The following PHF14 variants were observed in gnomAD, a reference collection of about 807,000 sequenced individuals.
The protein encoded by PHF14 is PHD finger protein 14.
PHF14 carries 55 observed loss-of-function variants against 117.9 expected under a neutral mutation model. The observed-to-expected ratio is 0.47, with a 90% CI of 0.38 to 0.58. The LOEUF (loss-of-function observed/expected upper bound fraction) is 0.58. PHF14 is among the 20% of genes least tolerant of loss of function. The probability of loss-of-function intolerance (pLI) is 0.00; values close to 1 mark genes in which losing one functional copy is unlikely to be tolerated. For missense variants in PHF14, 978 were observed against 1,122.2 expected, an observed-to-expected ratio of 0.87 and a Z score of 1.84; for synonymous variants, 409 against 368.6, an observed-to-expected ratio of 1.11 and a Z score of -1.26.
At position 10,982,396 on chromosome 7, in the gene PHF14, G is replaced by C; in HGVS notation, c.137G>C (p.Ser46Thr). 6.4e-7 allele frequency: 1 copy of C among 1,566,336 alleles called. No individual in the cohort carries two copies. Among genetic ancestry groups the C allele is most frequent in the East Asian group, 2.3e-5 (1 of 44,410 alleles). The change falls in exon 3 of 18, where the codon AGT becomes ACT. Residue 46 changes from serine (S) to threonine (T), a missense_variant. By Grantham distance (58) the Ser-to-Thr change is moderately conservative. Around this residue, in one of 7 missense-constraint regions of PHF14, gnomAD observed 414 missense variants for 376.4 expected, o/e 1.10. Coordinates refer to ENST00000634607, the MANE Select transcript of PHF14 (RefSeq NM_001007157.2). ...GATTCTGAAGGGAGTGGTAATGGAA[G>C]TGAAGATGCTTCAAAGGACAGTGGA... Reference protein sequence around the residue: ...ASDSEGSGNGSEDASKDSGEG... With the variant: ...ASDSEGSGNGTEDASKDSGEG...
At chr7:11,111,215 G>A (rs1787433021) in intron 16 of PHF14, 135 bp from the exon 17 acceptor site, 1 of 461,332 alleles carries the variant, frequency 2.2e-6, no homozygotes, top group African/African-American at 2.0e-5. Flanking sequence ...TTAATTTAAT[G>A]ATCTTGTGAG....
At chr7:11,064,488 G>A (rs1361233987) in intron 16 of PHF14, among the ~76,000 whole-genome samples, 3 of 151,602 alleles carry the variant, frequency 2.0e-5, no homozygotes, top group African/African-American at 4.8e-5. Flanking sequence ...AAACTTCATG[G>A]GTCACAATTA....
rs893564613 is a variant in PHF14, at chr7:11,013,988, T to G, written c.1205+82T>G. 1.1e-5 allele frequency: 9 copies of G among 849,140 alleles called. No homozygotes were observed. The African/African-American group carries it at 1.2e-4, about 11-fold the overall frequency. 52.6% of individuals were successfully genotyped at this position (849,140 alleles called of 1,614,324 possible). On this transcript the variant is annotated intron_variant, in intron 5 of 17. Coordinates refer to ENST00000634607, the MANE Select transcript of PHF14 (RefSeq NM_001007157.2). ...ACTTCCCTGTTCTTCTGTTTATGAT[T>G]ACACACTTTCATTTGATTGCTTCTT... is the stretch of plus-strand genomic sequence containing the variant.
chr7:11,104,130 A>G, intron 16 of PHF14: 3 of 984,064 alleles, frequency 3.0e-6, no homozygotes, highest in South Asian at 9.4e-5. Flanking sequence ...TTTTTGAGAA[A>G]CTCTTAGGCC....
chr7:11,162,072 C>CTTTTTTTTTTTTTTTT (rs564998009), intron 17 of PHF14, among the ~76,000 whole-genome samples: 3 of 70,276 alleles, frequency 4.3e-5, no homozygotes, highest in Non-Finnish European at 5.9e-5. Flanking sequence ...AAAAATATGT[C>CTTTTTTTTTTTTTTTT]TTTTTTTTTT....
At chr7:11,036,137 A>G (rs771243244) in intron 8 of PHF14, among the ~76,000 whole-genome samples, 2 of 152,152 alleles carry the variant, frequency 1.3e-5, no homozygotes, top group Non-Finnish European at 2.9e-5. Flanking sequence ...CATTAAACCT[A>G]TGGAGACAAT....
intron 9 of PHF14, 30 bp from the exon 10 acceptor site, chr7:11,036,955 A>G: frequency 7.2e-7 from 1 of 1,395,948 alleles, no homozygotes; most frequent in Non-Finnish European, 9.8e-7. Flanking sequence ...ACTTCCTACT[A>G]AAGTAAAATT....
rs138023949 is a variant in PHF14 at position 11,130,062 on chromosome 7, C to T, written c.2772+18595C>T. Among the ~76,000 whole-genome samples, 15 of 152,092 alleles carry T rather than the reference C, an allele frequency of 9.9e-5. No individual in the cohort carries two copies. The highest frequency in any genetic ancestry group is 2.6e-4 in the Admixed American group (4 of 15,240). ...ATAAGTTGATTTCTCATTCATGTAA[C>T]GTATCAGTACAGGTTGACAGAGCAG... On this transcript the variant is annotated intron_variant, in intron 17 of 17. Coordinates refer to ENST00000634607, the MANE Select transcript of PHF14 (RefSeq NM_001007157.2). The surrounding 1 kb of genome is among the most constrained non-coding windows in gnomAD (Gnocchi z 4.2).
chr7:11,104,582 A>C (rs1787195658), intron 16 of PHF14: 1 of 983,888 alleles, frequency 1.0e-6, no homozygotes, highest in African/African-American at 1.7e-5. Context: ...TAGGGAAAGG[A>C]AGAAACATGA....
At chr7:10,996,970 C>CAATG (rs1782674934) in intron 4 of PHF14, among the ~76,000 whole-genome samples, 2 of 152,254 alleles carry the variant, frequency 1.3e-5, no homozygotes, top group South Asian at 2.1e-4. Flanking sequence ...TAGGTATCAC[C>CAATG]AATGGGTGGC....
intron 6 of PHF14, among the ~76,000 whole-genome samples, chr7:11,025,594 C>A (rs914152246): frequency 2.0e-5 from 3 of 150,352 alleles, no homozygotes; most frequent in Non-Finnish European, 4.4e-5. Context: ...GAGATCAAGA[C>A]CATCCCGGGT....
intron 16 of PHF14, among the ~76,000 whole-genome samples, chr7:11,101,351 AT>A (rs1787080981): frequency 6.6e-6 from 1 of 151,780 alleles, no homozygotes; most frequent in South Asian, 2.1e-4. Context: ...ATTATAAATG[AT>A]TTGGTTGCTT....
At chr7:11,074,408 C>T (rs1025553956) in intron 16 of PHF14, among the ~76,000 whole-genome samples, 9 of 151,960 alleles carry the variant, frequency 5.9e-5, no homozygotes, top group South Asian at 2.1e-4. Flanking sequence ...GGCAGGGTTT[C>T]GCCGTGTTAG....
intron 17 of PHF14, among the ~76,000 whole-genome samples, chr7:11,159,667 A>G (rs1218951735): frequency 1.3e-5 from 2 of 152,152 alleles, no homozygotes; most frequent in African/African-American, 2.4e-5. Context: ...GCAAGATGTT[A>G]CCATTGAGGG....
chr7:10,974,458 C>T, intron 1 of PHF14, 134 bp downstream of exon 1: 2 of 786,652 alleles, frequency 2.5e-6, no homozygotes, highest in Non-Finnish European at 4.3e-6. Flanking sequence ...CTCCATGGTC[C>T]GCGGGAATGA....
At chr7:11,024,302 T>C (rs567115614) in intron 6 of PHF14, among the ~76,000 whole-genome samples, 32 of 152,244 alleles carry the variant, frequency 2.1e-4, no homozygotes, top group Non-Finnish European at 3.4e-4. Flanking sequence ...ATCTCCGTAA[T>C]ATAAAAGATG....
chr7:11,070,268 G>A (rs985611299), intron 16 of PHF14, among the ~76,000 whole-genome samples: 5 of 152,202 alleles, frequency 3.3e-5, no homozygotes, highest in African/African-American at 9.6e-5. Flanking sequence ...TGTAGAAATG[G>A]GGTCTGACTG....
intron 6 of PHF14, among the ~76,000 whole-genome samples, chr7:11,023,689 G>A (rs796450384): frequency 1.2e-4 from 19 of 152,258 alleles, no homozygotes; most frequent in African/African-American, 4.1e-4. Flanking sequence ...TTAGCTGGGC[G>A]TGGTGGCGCG....
intron 4 of PHF14, among the ~76,000 whole-genome samples, chr7:11,010,613 G>A (rs1583361969): frequency 6.6e-6 from 1 of 151,780 alleles, no homozygotes; most frequent in South Asian, 2.1e-4. Context: ...TATTAACATA[G>A]TATATATGAA....
Sources: gnomAD v4.1 joint callset for allele counts (sites outside exome capture counted in the v4.1 genomes callset) on GRCh38, gnomAD v4.1.1 for gene constraint, gnomAD v4.1.1 regional missense constraint, Gnocchi (gnomAD v3.1) non-coding constraint, MANE v1.5 for transcripts, NCBI Gene and HGNC (gene_info 2026-07-23, HGNC 2026-07-21) for gene names.